OCA2: variants seen among roughly 807,000 people sequenced by gnomAD.
OCA2 encodes P protein.
In OCA2, 77 loss-of-function variants were observed where a neutral mutation model predicts 100.2. That is an observed-to-expected ratio of 0.77 (90% confidence interval 0.64 to 0.93). The LOEUF is 0.93. OCA2 is among the 40% of genes least tolerant of loss of function. OCA2 has a pLI of 0.00. For missense variants in OCA2, 1,062 were observed against 1,089.1 expected (o/e 0.98, Z 0.35); for synonymous variants, 432 against 439.2 (o/e 0.98, Z 0.21).
the OCA2 span, among the ~76,000 whole-genome samples, chr15:27,721,668 T>A: frequency 1.3e-5 from 2 of 152,198 alleles, no homozygotes; most frequent in Non-Finnish European, 2.9e-5. Context: ...CAACTATAAA[T>A]TCAAGTTGCA....
intron 2 of OCA2, among the ~76,000 whole-genome samples, chr15:28,044,619 G>A (rs1214504826): frequency 6.6e-6 from 1 of 152,172 alleles, no homozygotes; most frequent in Admixed American, 6.5e-5. Flanking sequence ...AATAAGAAGG[G>A]GGTATTGAAA....
At chr15:27,978,782 T>C (rs887834143) in intron 14 of OCA2, among the ~76,000 whole-genome samples, 1 of 151,448 alleles carries the variant, frequency 6.6e-6, no homozygotes, top group African/African-American at 2.4e-5. Context: ...ATCTTCCGGG[T>C]TCAAGCGATT....
At chr15:27,799,351 A>C (rs923884531) in intron 23 of OCA2, among the ~76,000 whole-genome samples, 2 of 152,216 alleles carry the variant, frequency 1.3e-5, no homozygotes, top group Admixed American at 1.3e-4. Context: ...GAACAAATGC[A>C]TATACACTAT....
intron 18 of OCA2, among the ~76,000 whole-genome samples, chr15:27,929,552 G>GA (rs1479862753): frequency 2.6e-5 from 4 of 151,744 alleles, no homozygotes; most frequent in Non-Finnish European, 4.4e-5. Context: ...GAAAATATAG[G>GA]AAAAAATCTC....
intron 23 of OCA2, among the ~76,000 whole-genome samples, chr15:27,824,602 C>CTATATATATATATATATATATATATA (rs142689690): frequency 4.2e-5 from 2 of 47,572 alleles, no homozygotes; most frequent in African/African-American, 1.6e-4. Context: ...CTCTCTCTCT[C>CTATATATATATATATATATATATATA]TATATATATA....
At chr15:27,828,120 C>T (rs1191441001) in intron 23 of OCA2, among the ~76,000 whole-genome samples, 1 of 152,182 alleles carries the variant, frequency 6.6e-6, no homozygotes, top group East Asian at 1.9e-4. Flanking sequence ...TTCAACCCTG[C>T]ATTGGCGCCA....
downstream of OCA2, among the ~76,000 whole-genome samples, chr15:27,752,116 G>A (rs1244396576): frequency 1.3e-5 from 2 of 152,208 alleles, no homozygotes; most frequent in African/African-American, 4.8e-5. Flanking sequence ...TCAAAGGTAA[G>A]GCACAGCTCC....
chr15:27,737,245 G>C, the OCA2 span, among the ~76,000 whole-genome samples: 2 of 152,252 alleles, frequency 1.3e-5, no homozygotes, highest in Non-Finnish European at 2.9e-5. Flanking sequence ...TTTATTTGTA[G>C]ATTCAATGCA....
At chr15:28,006,508 T>G (rs959064060) in intron 9 of OCA2, among the ~76,000 whole-genome samples, 1 of 152,252 alleles carries the variant, frequency 6.6e-6, no homozygotes, top group Admixed American at 6.5e-5. Flanking sequence ...CATGGCCCAG[T>G]GGCCAGAAGA....
chr15:27,907,160 C>G (rs549086747), intron 19 of OCA2, among the ~76,000 whole-genome samples: 1 of 152,264 alleles, frequency 6.6e-6, no homozygotes, highest in African/African-American at 2.4e-5. Context: ...TTAATAACTT[C>G]CGTAAAGTAG....
At chr15:27,913,564 C>G (rs964725689) in intron 19 of OCA2, among the ~76,000 whole-genome samples, 8 of 151,772 alleles carry the variant, frequency 5.3e-5, no homozygotes, top group Non-Finnish European at 1.2e-4. Context: ...TATAGGAATA[C>G]TGAAGAGAGG....
At chr15:27,942,816 A>T (rs1219993559) in intron 18 of OCA2, among the ~76,000 whole-genome samples, 1 of 152,184 alleles carries the variant, frequency 6.6e-6, no homozygotes, top group Non-Finnish European at 1.5e-5. Context: ...TATAAATCCA[A>T]GATCCATATT....
chr15:28,010,486 T>C (rs1338159371), intron 9 of OCA2, among the ~76,000 whole-genome samples: 1 of 151,938 alleles, frequency 6.6e-6, no homozygotes, highest in African/African-American at 2.4e-5. Context: ...TTAAAAACTC[T>C]GAGAAGTAAT....
At chr15:27,734,836 C>T in the OCA2 span, among the ~76,000 whole-genome samples, 1 of 152,230 alleles carries the variant, frequency 6.6e-6, no homozygotes, top group Admixed American at 6.5e-5. Context: ...AGCTCAAAAT[C>T]TCTAAACAGG....
intron 23 of OCA2, among the ~76,000 whole-genome samples, chr15:27,769,044 G>C (rs1247348068): frequency 1.3e-5 from 2 of 152,214 alleles, no homozygotes; most frequent in African/African-American, 4.8e-5. Flanking sequence ...GGATGCTGCG[G>C]GTTCACCGGG....
At chr15:27,872,647 T>C (rs572028193) in intron 19 of OCA2, among the ~76,000 whole-genome samples, 2 of 152,250 alleles carry the variant, frequency 1.3e-5, no homozygotes, top group East Asian at 3.9e-4. Flanking sequence ...ACTGCAAATA[T>C]TGGAAACAGC....
At chr15:27,873,539 G>A (rs1253044477) in intron 19 of OCA2, among the ~76,000 whole-genome samples, 1 of 152,014 alleles carries the variant, frequency 6.6e-6, no homozygotes, top group Non-Finnish European at 1.5e-5. Context: ...AGATTAAAAT[G>A]TTCTGCCAAA....
chr15:27,872,993 T>C (rs2036645061), intron 19 of OCA2, among the ~76,000 whole-genome samples: 1 of 152,238 alleles, frequency 6.6e-6, no homozygotes, highest in African/African-American at 2.4e-5. Context: ...CCGGCCAGCT[T>C]GTCCAAGTTT....
intron 23 of OCA2, among the ~76,000 whole-genome samples, chr15:27,770,818 C>CTCCCTCTT (rs1486373711): frequency 7.7e-6 from 1 of 130,374 alleles, no homozygotes; most frequent in African/African-American, 3.1e-5. Flanking sequence ...TCCTTCCTCC[C>CTCCCTCTT]TTCCATTCTT....
Sources: allele counts gnomAD v4.1 joint callset (sites outside exome capture counted in the v4.1 genomes callset), GRCh38; gene constraint gnomAD v4.1.1; transcripts MANE v1.5; gene names NCBI Gene and HGNC (gene_info 2026-07-23, HGNC 2026-07-21).